The following SFMBT2 variants were observed in gnomAD, a reference collection of about 807,000 sequenced individuals.
The protein encoded by SFMBT2 is scm-like with four MBT domains protein 2.
In SFMBT2, 38 loss-of-function variants were observed where a neutral mutation model predicts 110.1. The ratio of observed to expected loss-of-function variants is 0.35; its 90% CI spans 0.27 to 0.45. The LOEUF is 0.45. SFMBT2 is among the 20% of genes least tolerant of loss of function. The probability of loss-of-function intolerance (pLI) is 1.00; values close to 1 mark genes in which losing one functional copy is unlikely to be tolerated. For synonymous variants in SFMBT2, 425 were observed against 425.4 expected (o/e 1.00, Z 0.01); for missense variants, 1,011 against 1,094.9 (o/e 0.92, Z 1.08).
At position 7,388,762 on chromosome 10, in the gene SFMBT2, C is replaced by G. The variant is rs1005456408; in HGVS notation, c.-51-6813G>C. 2.6e-4 allele frequency among the ~76,000 whole-genome samples: 39 copies of G among 152,106 alleles called. 1 individual carries two copies. The highest frequency in any genetic ancestry group is 3.4e-3 in the Middle Eastern group (1 of 294). On this transcript the variant is annotated intron_variant, in intron 1 of 20. Transcript: ENST00000397167. ...AAGACTTGGGGTGAGAACAGAGAGG[C>G]AGGCTGAGCCCAGGTGAGAAGAGAA...
At chr10:7,255,858 C>T (rs768420091) in intron 7 of SFMBT2, among the ~76,000 whole-genome samples, 4 of 152,182 alleles carry the variant, frequency 2.6e-5, no homozygotes, top group Non-Finnish European at 5.9e-5. Flanking sequence ...TTTTTGAGGG[C>T]CAACAAGATG....
intron 7 of SFMBT2, among the ~76,000 whole-genome samples, chr10:7,265,670 G>C (rs553593419): frequency 6.6e-6 from 1 of 152,228 alleles, no homozygotes; most frequent in South Asian, 2.1e-4. Flanking sequence ...CCCATAAATG[G>C]AGCCATTCCC....
chr10:7,221,416 A>C (rs1839732441), intron 10 of SFMBT2, among the ~76,000 whole-genome samples: 1 of 151,988 alleles, frequency 6.6e-6, no homozygotes, highest in South Asian at 2.1e-4. Flanking sequence ...AAATACAAAA[A>C]TTAGCTGAGC....
At chr10:7,353,007 C>G (rs1324289239) in intron 4 of SFMBT2, among the ~76,000 whole-genome samples, 1 of 151,216 alleles carries the variant, frequency 6.6e-6, no homozygotes. Flanking sequence ...GAGACTCCAT[C>G]TCAAAATAAA....
intron 4 of SFMBT2, among the ~76,000 whole-genome samples, chr10:7,351,557 G>C (rs1487116390): frequency 6.6e-6 from 1 of 152,102 alleles, no homozygotes; most frequent in East Asian, 1.9e-4. Flanking sequence ...GTGGCATTAG[G>C]ATCCAAAATG....
At chr10:7,284,835 T>C (rs1842042531) in intron 5 of SFMBT2, 1 of 154,776 alleles carries the variant, frequency 6.5e-6, no homozygotes, top group Non-Finnish European at 1.4e-5. Flanking sequence ...GGGTGTTTGT[T>C]CAGCCAGCTT....
intron 3 of SFMBT2, chr10:7,368,372 G>C: frequency 1.0e-6 from 1 of 985,340 alleles, no homozygotes; most frequent in Non-Finnish European, 1.2e-6. Context: ...GTGATAGTCT[G>C]TTGATATCTA....
At chr10:7,182,447 G>T (rs1564370788) in intron 16 of SFMBT2, among the ~76,000 whole-genome samples, 1 of 152,068 alleles carries the variant, frequency 6.6e-6, no homozygotes, top group Non-Finnish European at 1.5e-5. Context: ...TTGTAGGGAG[G>T]ATGTGTGAAA....
intron 20 of SFMBT2, among the ~76,000 whole-genome samples, chr10:7,169,336 ACTT>A (rs1336346168): frequency 3.3e-5 from 5 of 152,086 alleles, no homozygotes; most frequent in Non-Finnish European, 7.4e-5. Flanking sequence ...AGGATGAACT[ACTT>A]CATCTCTTGG....
At chr10:7,226,582 C>T (rs2131668247) in intron 10 of SFMBT2, among the ~76,000 whole-genome samples, 1 of 152,306 alleles carries the variant, frequency 6.6e-6, no homozygotes, top group South Asian at 2.1e-4. Context: ...ATCTTTTTGT[C>T]TTAACATAAA....
At chr10:7,376,959 A>G (rs536190704) in intron 2 of SFMBT2, among the ~76,000 whole-genome samples, 170 of 151,406 alleles carry the variant, frequency 1.1e-3, no homozygotes, top group Non-Finnish European at 2.3e-3. Context: ...TCACGAGGTC[A>G]GGAGATCGAG....
At chr10:7,341,509 A>G (rs1302853768) in intron 4 of SFMBT2, among the ~76,000 whole-genome samples, 1 of 152,164 alleles carries the variant, frequency 6.6e-6, no homozygotes, top group Non-Finnish European at 1.5e-5. Flanking sequence ...GTTTTTATTC[A>G]TTCAACAAAT....
intron 11 of SFMBT2, chr10:7,206,154 G>T (rs548473563): frequency 2.0e-6 from 2 of 985,362 alleles, no homozygotes; most frequent in Non-Finnish European, 1.2e-6. Context: ...GAATAAAAGG[G>T]GTTCAGAGAA....
At chr10:7,298,442 C>T (rs1364238514) in intron 4 of SFMBT2, among the ~76,000 whole-genome samples, 1 of 152,194 alleles carries the variant, frequency 6.6e-6, no homozygotes, top group Non-Finnish European at 1.5e-5. Flanking sequence ...CAGGCCAGTT[C>T]CCTAGCTCCG....
chr10:7,334,329 T>C (rs886873800), intron 4 of SFMBT2, among the ~76,000 whole-genome samples: 5 of 152,064 alleles, frequency 3.3e-5, no homozygotes, highest in African/African-American at 1.2e-4. Context: ...AGCCTGATGC[T>C]CAGACACACA....
At chr10:7,285,991 CA>C (rs567627886) in intron 4 of SFMBT2, 37 bp from the exon 5 acceptor site, 18 of 837,860 alleles carry the variant, frequency 2.1e-5, no homozygotes, top group Non-Finnish European at 3.1e-5. Context: ...CAAAACAAAA[CA>C]AAAAAAACAC....
intron 1 of SFMBT2, among the ~76,000 whole-genome samples, chr10:7,404,466 A>G (rs1249403797): frequency 1.3e-5 from 2 of 152,234 alleles, no homozygotes; most frequent in Non-Finnish European, 2.9e-5. Flanking sequence ...AAAAACTCAC[A>G]AGATGAAAAC....
intron 7 of SFMBT2, 73 bp from the exon 8 acceptor site, chr10:7,248,722 C>A: frequency 7.3e-7 from 1 of 1,371,970 alleles, no homozygotes; most frequent in South Asian, 1.2e-5. Context: ...CGGATGCGCT[C>A]CTGGAGCATT....
intron 1 of SFMBT2, among the ~76,000 whole-genome samples, chr10:7,394,215 G>A (rs895768655): frequency 6.6e-6 from 1 of 152,070 alleles, no homozygotes; most frequent in East Asian, 1.9e-4. Flanking sequence ...GTGGGCTCAA[G>A]CAATCCACCC....
Sources: allele counts gnomAD v4.1 joint callset (sites outside exome capture counted in the v4.1 genomes callset), GRCh38; gene constraint gnomAD v4.1.1; transcripts MANE v1.5; gene names NCBI Gene and HGNC (gene_info 2026-07-23, HGNC 2026-07-21).